ZNF487: variants seen among roughly 807,000 people sequenced by gnomAD.
ZNF487 encodes KRAB domain only 1.
Under a neutral mutation model 3.0 loss-of-function variants are expected in ZNF487, and 4 were observed. The observed-to-expected ratio is 1.35, with a 90% confidence interval of 0.66 to 3.08. ZNF487 has a LOEUF of 3.08. Among genes scored for constraint, ZNF487 ranks in the 30% most tolerant of loss-of-function variants. The probability of loss-of-function intolerance (pLI) is 0.01; values close to 1 mark genes in which losing one functional copy is unlikely to be tolerated. For missense variants in ZNF487, 146 were observed against 98.7 expected (o/e 1.48, Z -2.03); for synonymous variants, 55 against 34.6 (o/e 1.59, Z -2.06).
chr10:43,448,995 G>GAAA (rs928786631), intron 1 of ZNF487, among the ~76,000 whole-genome samples: 1 of 56,318 alleles, frequency 1.8e-5, no homozygotes. Flanking sequence ...ACCTGTCTCC[G>GAAA]AAAAAAAAAA....
At chr10:43,461,956 A>G (rs1196038739) in intron 1 of ZNF487, among the ~76,000 whole-genome samples, 3 of 152,160 alleles carry the variant, frequency 2.0e-5, no homozygotes, top group African/African-American at 7.2e-5. Context: ...ACATAACCCC[A>G]TTCAGACCAA....
chr10:43,452,105 A>G (rs1244757699), intron 1 of ZNF487: 1 of 151,772 alleles, frequency 6.6e-6, no homozygotes, highest in African/African-American at 2.4e-5. Context: ...TTGTTGGTCA[A>G]TTCTCTTTTA....
chr10:43,510,715 T>C, the ZNF487 span, among the ~76,000 whole-genome samples: 2 of 152,088 alleles, frequency 1.3e-5, no homozygotes, highest in African/African-American at 4.8e-5. Flanking sequence ...GCCTGGCTAA[T>C]TTTTGTATTT....
At chr10:43,461,297 A>T (rs527674089) in intron 1 of ZNF487, among the ~76,000 whole-genome samples, 1 of 138,832 alleles carries the variant, frequency 7.2e-6, no homozygotes, top group Admixed American at 7.7e-5. Flanking sequence ...GTGAGCCAAC[A>T]TGCCCGGCCC....
At chr10:43,489,355 A>T in the ZNF487 span, among the ~76,000 whole-genome samples, 3 of 152,052 alleles carry the variant, frequency 2.0e-5, no homozygotes, top group Non-Finnish European at 4.4e-5. Context: ...TTATTTATTT[A>T]TTTTTATTTA....
chr10:43,498,093 A>ATT, the ZNF487 span, among the ~76,000 whole-genome samples: 4 of 13,264 alleles, frequency 3.0e-4, no homozygotes, highest in Admixed American at 1.2e-3. Context: ...ATATATATAT[A>ATT]TATATATTTT....
intron 1 of ZNF487, among the ~76,000 whole-genome samples, chr10:43,440,553 G>A (rs1020574214): frequency 1.8e-4 from 28 of 151,912 alleles, no homozygotes; most frequent in Non-Finnish European, 3.8e-4. Context: ...AGCTACTTGG[G>A]AGGCTGATGT....
upstream of ZNF487, chr10:43,437,001 C>T: frequency 2.5e-6 from 1 of 398,636 alleles, no homozygotes; most frequent in Non-Finnish European, 5.3e-6. Context: ...GGCATAGGGC[C>T]GAGCCCCCGC....
intron 1 of ZNF487, chr10:43,452,695 C>T (rs540535465): frequency 6.6e-6 from 1 of 152,144 alleles, no homozygotes; most frequent in Admixed American, 6.6e-5. Flanking sequence ...GGATTCATCC[C>T]TGTTCTCCCC....
chr10:43,484,826 A>G (rs1169281842), downstream of ZNF487, among the ~76,000 whole-genome samples: 2 of 152,212 alleles, frequency 1.3e-5, no homozygotes, highest in African/African-American at 4.8e-5. Flanking sequence ...GTTTCCTACC[A>G]CATCAATTTT....
the ZNF487 span, among the ~76,000 whole-genome samples, chr10:43,512,717 A>G: frequency 6.6e-6 from 1 of 152,216 alleles, no homozygotes; most frequent in African/African-American, 2.4e-5. Context: ...CAGCTTGCAC[A>G]GCAGCCTGGA....
chr10:43,465,825 G>T (rs1443159554), intron 1 of ZNF487, among the ~76,000 whole-genome samples: 27 of 152,198 alleles, frequency 1.8e-4, no homozygotes. Context: ...ACTTTGGGAG[G>T]CCAAGGCAGG....
At chr10:43,463,536 T>A (rs1466789807) in intron 1 of ZNF487, among the ~76,000 whole-genome samples, 1 of 149,832 alleles carries the variant, frequency 6.7e-6, no homozygotes, top group African/African-American at 2.5e-5. Context: ...AAACACTGTC[T>A]CGAAAAAAAA....
intron 1 of ZNF487, among the ~76,000 whole-genome samples, chr10:43,463,812 A>G (rs1564421039): frequency 1.3e-5 from 2 of 150,720 alleles, no homozygotes; most frequent in Non-Finnish European, 2.9e-5. Context: ...CTATTATGGC[A>G]ATCTGTGATC....
intron 1 of ZNF487, among the ~76,000 whole-genome samples, chr10:43,456,635 C>T (rs541390850): frequency 6.6e-6 from 1 of 152,304 alleles, no homozygotes; most frequent in African/African-American, 2.4e-5. Context: ...GGCTGGCGTG[C>T]AGTGGTGGGA....
intron 2 of ZNF487, 84 bp downstream of exon 2, chr10:43,475,931 T>C: frequency 1.5e-6 from 1 of 662,268 alleles, no homozygotes; most frequent in East Asian, 2.7e-5. Flanking sequence ...TGTATGAATA[T>C]GAGTTAAAGG....
intron 1 of ZNF487, among the ~76,000 whole-genome samples, chr10:43,450,378 A>G (rs1447857340): frequency 7.0e-6 from 1 of 142,416 alleles, no homozygotes. Flanking sequence ...TTTGAGACGG[A>G]GTCTCACTCT....
At chr10:43,477,441 C>T (rs1428624342) in intron 3 of ZNF487, among the ~76,000 whole-genome samples, 2 of 151,970 alleles carry the variant, frequency 1.3e-5, no homozygotes, top group Non-Finnish European at 2.9e-5. Flanking sequence ...GTGATCTGCC[C>T]CCCTTGGCCT....
the ZNF487 span, among the ~76,000 whole-genome samples, chr10:43,501,749 A>C: frequency 2.0e-5 from 3 of 149,668 alleles, no homozygotes; most frequent in South Asian, 6.4e-4. Flanking sequence ...CTCAAAAAAA[A>C]ACAAAAACAA....
Sources: gnomAD v4.1 joint callset for allele counts (sites outside exome capture counted in the v4.1 genomes callset) on GRCh38, gnomAD v4.1.1 for gene constraint, MANE v1.5 for transcripts, NCBI Gene and HGNC (gene_info 2026-07-23, HGNC 2026-07-21) for gene names.